The following UPF2 variants were observed in gnomAD, a reference collection of about 807,000 sequenced individuals.
UPF2 encodes regulator of nonsense transcripts 2.
Under a neutral mutation model 141.4 loss-of-function variants are expected in UPF2, and 17 were observed. The ratio of observed to expected loss-of-function variants is 0.12; its 90% CI spans 0.08 to 0.18. The LOEUF is 0.18. UPF2 is among the 10% of genes least tolerant of loss of function. The pLI is 1.00. For missense variants in UPF2, 1,152 were observed against 1,515.9 expected (o/e 0.76, Z 3.99); for synonymous variants, 540 against 498.0 (o/e 1.08, Z -1.12).
chr10:11,963,986 T>C (rs1833279366), intron 11 of UPF2, 23 bp downstream of exon 11: 1 of 1,558,516 alleles, frequency 6.4e-7, no homozygotes, highest in African/African-American at 1.4e-5. Context: ...CTCTAGCTCT[T>C]ACCAGCATCC....
chr10:11,963,656 T>C (rs944025855), intron 11 of UPF2, among the ~76,000 whole-genome samples: 1 of 152,240 alleles, frequency 6.6e-6, no homozygotes, highest in African/African-American at 2.4e-5. Context: ...ACATGACACA[T>C]GAATAATGGT....
chr10:11,988,505 ATGT>A (rs781654029), intron 8 of UPF2, among the ~76,000 whole-genome samples: 6 of 152,074 alleles, frequency 3.9e-5, no homozygotes, highest in Non-Finnish European at 7.4e-5. Flanking sequence ...GGGTCTCACT[ATGT>A]TGTCTAGGCC....
rs1238661467 is a variant in UPF2, at chr10:12,014,189, A to G, written c.1146-5T>C. 1 of 1,401,282 alleles carries G rather than the reference A, an allele frequency of 7.1e-7. No individual in the cohort carries two copies. The highest frequency in any genetic ancestry group is 9.4e-7 in the Non-Finnish European group (1 of 1,062,988). The allele number at this position is 1,401,282 out of a possible 1,614,324, so 86.8% of individuals were successfully genotyped here. ...CCTTTAGAATGTAGAATGCGCCTAT[A>G]AACAAATGAAATCATCTGACAGTCT... is the stretch of plus-strand genomic sequence containing the variant. On this transcript the variant is annotated splice_region_variant and splice_polypyrimidine_tract_variant and intron_variant, in intron 3 of 21. Transcript: ENST00000357604. This position sits in a 1 kb window ranked among gnomAD's most constrained non-coding sequence, Gnocchi z 5.0.
In UPF2 at chr10:11,938,865, T is replaced by TTTTTTTTTTTG. The variant is rs1564337850; in HGVS notation, c.3379-2154_3379-2153insCAAAAAAAAAA. On this transcript the variant is annotated intron_variant, in intron 18 of 21. Coordinates refer to ENST00000357604, the MANE Select transcript of UPF2 (RefSeq NM_015542.4). ...AAGTTTTTTTTTTGTTTTTTTTTTTTTTTTTTTTTTTTTTTTTGGAGACGG... is the reference window on the plus strand; with the variant it reads ...AAGTTTTTTTTTTGTTTTTTTTTTTTTTTTTTTTTTGTTTTTTTTTTTTTTTTTGGAGACGG... Among the ~76,000 whole-genome samples the TTTTTTTTTTTG allele has an allele frequency of 4.7e-4, 41 of 87,416 alleles. No individual in the cohort carries two copies. The Admixed American group carries it at 6.3e-3, about 13-fold the overall frequency. The allele number at this position is 87,416 out of a possible 152,430, so 57.3% of individuals were successfully genotyped here.
intron 8 of UPF2, among the ~76,000 whole-genome samples, chr10:11,989,884 GC>G (rs1235010300): frequency 6.6e-6 from 1 of 152,148 alleles, no homozygotes; most frequent in African/African-American, 2.4e-5. Context: ...AGTCTAGGGA[GC>G]CCACCAAACC....
intron 2 of UPF2, among the ~76,000 whole-genome samples, chr10:12,034,075 A>G (rs9424140): frequency 6.6e-6 from 1 of 152,148 alleles, no homozygotes; most frequent in African/African-American, 2.4e-5. Context: ...ACCTAGCTTT[A>G]AATCCCAACA....
chr10:11,976,117 G>A (rs1035468514), intron 9 of UPF2, among the ~76,000 whole-genome samples: 5 of 152,168 alleles, frequency 3.3e-5, no homozygotes, highest in East Asian at 1.9e-4. Context: ...TTTTCTAATC[G>A]TCAGTGAAAT....
rs1224445596 is a variant in UPF2 at position 11,979,558 on chromosome 10, T to G, written c.1845-393A>C. 6.6e-6 allele frequency among the ~76,000 whole-genome samples: 1 copy of G among 152,184 alleles called. No homozygotes were observed. The highest frequency in any genetic ancestry group is 2.4e-5 in the African/African-American group (1 of 41,450). ...GCAAGACAAAATCCTTTAAAGCCAT[T>G]TCCTTCATTTATCTCAGGGTAAGTT... On this transcript the variant is annotated intron_variant, in intron 8 of 21. Coordinates refer to ENST00000357604, the MANE Select transcript of UPF2 (RefSeq NM_015542.4). The surrounding 1 kb of genome is among the most constrained non-coding windows in gnomAD (Gnocchi z 6.2).
Position 11,956,390 on chromosome 10 carries a change from A to G in UPF2, c.2504T>C (p.Val835Ala). ...HCVANLLAGL[V>A]LYQEDVGIHV... The stretch of plus-strand genomic sequence containing the variant: ...GATCCCAACATCCTCTTGGTAGAGC[A>G]CTAGTCCTGCTAAGAGGTTGGCTAC... Residue 835 changes from valine to alanine, a missense_variant, in exon 13 of 22, where the codon GTG (valine) becomes GCG (alanine). Val to Ala is a moderately conservative substitution (Grantham distance 64). Coordinates refer to ENST00000357604, the MANE Select transcript of UPF2 (RefSeq NM_015542.4). The surrounding 1 kb of genome is among the most constrained non-coding windows in gnomAD (Gnocchi z 4.2). The G allele has an allele frequency of 6.2e-7, 1 of 1,614,160 alleles. No individual in the cohort carries two copies.
chr10:11,983,023 G>C (rs1371240956), intron 8 of UPF2, among the ~76,000 whole-genome samples: 2 of 152,166 alleles, frequency 1.3e-5, no homozygotes, highest in Non-Finnish European at 1.5e-5. Context: ...AAATTGTTCA[G>C]TTCCGTGGCA....
At chr10:11,945,813 A>G (rs1012539125) in intron 16 of UPF2, among the ~76,000 whole-genome samples, 1 of 152,204 alleles carries the variant, frequency 6.6e-6, no homozygotes, top group East Asian at 1.9e-4. Flanking sequence ...TGCTCATGTA[A>G]TTAGTACAGT....
intron 3 of UPF2, among the ~76,000 whole-genome samples, chr10:12,026,443 T>G (rs932915788): frequency 6.6e-6 from 1 of 152,086 alleles, no homozygotes; most frequent in Admixed American, 6.6e-5. Flanking sequence ...ACTGGAGGTA[T>G]TTAACATGGA....
rs1394685729 is a variant in UPF2 at position 11,931,373 on chromosome 10, G to A, written c.3688+268C>T. 1.3e-5 allele frequency among the ~76,000 whole-genome samples: 2 copies of A among 152,148 alleles called. No homozygotes were observed. The highest frequency in any genetic ancestry group is 3.8e-4 in the East Asian group (2 of 5,196). ...TGTTAAATGAATCTGCACACAACTG[G>A]CTGGCAATGTGAAGCAATTAAAAAT... On this transcript the variant is annotated intron_variant, in intron 20 of 21. Coordinates refer to ENST00000357604, the MANE Select transcript of UPF2 (RefSeq NM_015542.4). The surrounding 1 kb of genome is among the most constrained non-coding windows in gnomAD (Gnocchi z 5.9).
intron 4 of UPF2, among the ~76,000 whole-genome samples, chr10:12,007,902 TC>T (rs1834061808): frequency 6.7e-6 from 1 of 150,318 alleles, no homozygotes; most frequent in African/African-American, 2.4e-5. Flanking sequence ...TTTTTTTTTT[TC>T]TCTCTGACAT....
intron 3 of UPF2, among the ~76,000 whole-genome samples, chr10:12,027,651 T>C (rs577950317): frequency 6.6e-6 from 1 of 152,324 alleles, no homozygotes; most frequent in South Asian, 2.1e-4. Flanking sequence ...AAAAGAACTA[T>C]TGATAACACC....
At chr10:11,973,255 TTTAAG>T (rs1468604878) in intron 9 of UPF2, among the ~76,000 whole-genome samples, 1 of 152,258 alleles carries the variant, frequency 6.6e-6, no homozygotes, top group Admixed American at 6.5e-5. Flanking sequence ...TGTAAATTTG[TTTAAG>T]TTCTTTGTAG....
chr10:12,032,410 T>C (rs1333514046), intron 2 of UPF2, among the ~76,000 whole-genome samples: 1 of 152,158 alleles, frequency 6.6e-6, no homozygotes, highest in Non-Finnish European at 1.5e-5. Flanking sequence ...GTAAATGCTA[T>C]GATGCTCTAC....
chr10:11,999,861 A>G, intron 7 of UPF2, 45 bp downstream of exon 7: 17 of 1,497,282 alleles, frequency 1.1e-5, no homozygotes, highest in Non-Finnish European at 1.6e-5. Context: ...GAGGACTCCT[A>G]CAAGGTCCAT....
chr10:11,985,005 G>A (rs967938879), intron 8 of UPF2, among the ~76,000 whole-genome samples: 21 of 152,270 alleles, frequency 1.4e-4, no homozygotes, highest in African/African-American at 4.6e-4. Context: ...GAGCCACCGC[G>A]CCCGGTCCAG....
Sources: gnomAD v4.1 joint callset for allele counts (sites outside exome capture counted in the v4.1 genomes callset) on GRCh38, gnomAD v4.1.1 for gene constraint, Gnocchi (gnomAD v3.1) non-coding constraint, MANE v1.5 for transcripts, NCBI Gene and HGNC (gene_info 2026-07-23, HGNC 2026-07-21) for gene names.